The following PRKG1 variants were observed in gnomAD, a reference collection of about 807,000 sequenced individuals.
The protein encoded by PRKG1 is cGMP-dependent protein kinase 1.
A neutral mutation model predicts 88.1 loss-of-function variants in PRKG1; 35 were observed. The ratio of observed to expected loss-of-function variants is 0.40; its 90% CI spans 0.30 to 0.53. The LOEUF is 0.53. PRKG1 is among the 20% of genes least tolerant of loss of function. The probability of loss-of-function intolerance (pLI) is 0.59; values close to 1 mark genes in which losing one functional copy is unlikely to be tolerated. For synonymous variants in PRKG1, 303 were observed against 292.5 expected, an observed-to-expected ratio of 1.04 and a Z score of -0.37; for missense variants, 540 against 839.8, an observed-to-expected ratio of 0.64 and a Z score of 4.41.
chr10:51,480,309 C>G (rs1010464284), intron 3 of PRKG1, among the ~76,000 whole-genome samples: 2 of 152,166 alleles, frequency 1.3e-5, no homozygotes, highest in African/African-American at 4.8e-5. Flanking sequence ...GATATAATCT[C>G]TTTGCCAAAG....
chr10:51,810,818 G>A lies in PRKG1; in HGVS notation c.698+6128G>A, dbSNP rs78195031. On this transcript the variant is annotated intron_variant, in intron 4 of 17. Coordinates refer to ENST00000373980, the MANE Select transcript of PRKG1 (RefSeq NM_006258.4). Reference sequence around the variant, plus strand: ...AGATCACCCCTTGACTTCTGCCTATGGGCCATACTTCAACCAAACTTTTCT... The same window carrying A: ...AGATCACCCCTTGACTTCTGCCTATAGGCCATACTTCAACCAAACTTTTCT... Among the ~76,000 whole-genome samples, 407 of 152,138 alleles carry A rather than the reference G, an allele frequency of 2.7e-3. 10 individuals carry two copies. The East Asian group carries it at 0.033, about 12-fold the overall frequency.
chr10:51,305,956 T>A (rs1257204132), intron 2 of PRKG1, among the ~76,000 whole-genome samples: 1 of 152,184 alleles, frequency 6.6e-6, no homozygotes, highest in African/African-American at 2.4e-5. Context: ...CCTCAGGTCA[T>A]CACTTCTTGG....
intron 2 of PRKG1, among the ~76,000 whole-genome samples, chr10:51,251,106 G>A (rs952548926): frequency 4.0e-5 from 6 of 151,872 alleles, no homozygotes; most frequent in Non-Finnish European, 8.9e-5. Context: ...ATGAACCCAT[G>A]TGTTCCACCT....
At chr10:51,394,521 A>G (rs759556341) in intron 2 of PRKG1, among the ~76,000 whole-genome samples, 17 of 152,228 alleles carry the variant, frequency 1.1e-4, no homozygotes, top group Admixed American at 3.9e-4. Flanking sequence ...CCTGGATTTT[A>G]AGAGGCAGGA....
At chr10:52,173,969 T>A (rs1258247969) in intron 9 of PRKG1, among the ~76,000 whole-genome samples, 1 of 152,156 alleles carries the variant, frequency 6.6e-6, no homozygotes, top group Non-Finnish European at 1.5e-5. Context: ...TTTGTTGAAA[T>A]GACCCTGAAA....
chr10:52,043,922 A>C (rs1178716350), intron 5 of PRKG1, among the ~76,000 whole-genome samples: 3 of 149,306 alleles, frequency 2.0e-5, no homozygotes, highest in African/African-American at 7.4e-5. Context: ...ACATAGAAAA[A>C]AAAAAAAAAC....
At chr10:51,641,000 T>C (rs1839784824) in intron 3 of PRKG1, among the ~76,000 whole-genome samples, 1 of 152,064 alleles carries the variant, frequency 6.6e-6, no homozygotes, top group Non-Finnish European at 1.5e-5. Flanking sequence ...GGCAAATACA[T>C]GCCATTAGTG....
At chr10:52,012,533 C>CCCAGCCGT (rs1844918244) in intron 5 of PRKG1, among the ~76,000 whole-genome samples, 1 of 151,922 alleles carries the variant, frequency 6.6e-6, no homozygotes, top group Non-Finnish European at 1.5e-5. Flanking sequence ...TGAGCCACCG[C>CCCAGCCGT]GCCCAGCCGC....
chr10:51,113,050 G>C (rs1845015752), intron 1 of PRKG1, among the ~76,000 whole-genome samples: 2 of 152,160 alleles, frequency 1.3e-5, no homozygotes, highest in Admixed American at 1.3e-4. Context: ...CTGATGACAT[G>C]GAACAATGAT....
chr10:51,206,775 C>G (rs761930200), intron 2 of PRKG1, among the ~76,000 whole-genome samples: 1 of 152,180 alleles, frequency 6.6e-6, no homozygotes, highest in Non-Finnish European at 1.5e-5. Context: ...GAAACTGAAA[C>G]TCAACTGCAG....
intron 4 of PRKG1, among the ~76,000 whole-genome samples, chr10:51,885,931 A>T (rs1841558174): frequency 6.6e-6 from 1 of 152,220 alleles, no homozygotes; most frequent in African/African-American, 2.4e-5. Flanking sequence ...TATGAAATAC[A>T]TCTTTTTTCT....
At chr10:51,017,078 G>A (rs958983007) in intron 1 of PRKG1, among the ~76,000 whole-genome samples, 3 of 151,624 alleles carry the variant, frequency 2.0e-5, no homozygotes, top group African/African-American at 7.3e-5. Flanking sequence ...TTCATGTAAC[G>A]TCCCCAGTCC....
At chr10:51,004,976 T>C (rs1448918847) in intron 1 of PRKG1, among the ~76,000 whole-genome samples, 1 of 152,162 alleles carries the variant, frequency 6.6e-6, no homozygotes, top group African/African-American at 2.4e-5. Context: ...GTAGGGAGAT[T>C]TGGACATATA....
At chr10:51,311,778 A>C (rs1564441694) in intron 2 of PRKG1, among the ~76,000 whole-genome samples, 1 of 152,182 alleles carries the variant, frequency 6.6e-6, no homozygotes, top group Non-Finnish European at 1.5e-5. Flanking sequence ...CCGTAGCTAA[A>C]CACTTGGATT....
intron 4 of PRKG1, among the ~76,000 whole-genome samples, chr10:51,817,537 T>C (rs1029694052): frequency 1.1e-4 from 16 of 152,176 alleles, no homozygotes; most frequent in African/African-American, 3.6e-4. Context: ...CTCATCCTTT[T>C]TTTATGGCTG....
chr10:51,474,383 T>A (rs1840135745), intron 3 of PRKG1, among the ~76,000 whole-genome samples: 1 of 152,018 alleles, frequency 6.6e-6, no homozygotes, highest in Non-Finnish European at 1.5e-5. Flanking sequence ...TTATACAGCA[T>A]GTTATGGTTT....
intron 3 of PRKG1, among the ~76,000 whole-genome samples, chr10:51,672,213 C>T (rs1840600881): frequency 6.6e-6 from 1 of 151,944 alleles, no homozygotes; most frequent in African/African-American, 2.4e-5. Context: ...ATGCTCTCTT[C>T]TTGGAACACC....
At chr10:52,230,488 TA>T (rs1303430595) in intron 9 of PRKG1, among the ~76,000 whole-genome samples, 36 of 152,338 alleles carry the variant, frequency 2.4e-4, no homozygotes, top group African/African-American at 7.9e-4. Flanking sequence ...TCATACCCAT[TA>T]AACAGTTGAA....
At chr10:52,010,715 G>A (rs1026791326) in intron 5 of PRKG1, among the ~76,000 whole-genome samples, 2 of 152,152 alleles carry the variant, frequency 1.3e-5, no homozygotes, top group African/African-American at 2.4e-5. Flanking sequence ...TGTGACATTG[G>A]TTAAAAAGAA....
Sources: gnomAD v4.1 joint callset for allele counts (sites outside exome capture counted in the v4.1 genomes callset) on GRCh38, gnomAD v4.1.1 for gene constraint, MANE v1.5 for transcripts, NCBI Gene and HGNC (gene_info 2026-07-23, HGNC 2026-07-21) for gene names.